The following VMP1 variants were observed in gnomAD, a reference collection of about 807,000 sequenced individuals.
VMP1 encodes the protein vacuole membrane protein 1.
VMP1 carries 11 observed loss-of-function variants against 56.0 expected under a neutral mutation model. The observed-to-expected ratio is 0.20, with a 90% confidence interval of 0.12 to 0.32. The LOEUF is 0.32. Ranked by LOEUF, VMP1 falls within the 10% of genes least tolerant of loss-of-function variation. VMP1 has a pLI of 1.00. For synonymous variants in VMP1, 149 were observed against 165.0 expected, an observed-to-expected ratio of 0.90 and a Z score of 0.74; for missense variants, 296 against 490.3, an observed-to-expected ratio of 0.60 and a Z score of 3.74.
At chr17:59,800,066 T>A (rs1448427171) in intron 7 of VMP1, among the ~76,000 whole-genome samples, 1 of 152,200 alleles carries the variant, frequency 6.6e-6, no homozygotes, top group Non-Finnish European at 1.5e-5. Context: ...TTTGTTCACT[T>A]TGAATTCAAT....
At chr17:59,719,764 A>G (rs1298714998) in intron 1 of VMP1, among the ~76,000 whole-genome samples, 1 of 152,182 alleles carries the variant, frequency 6.6e-6, no homozygotes, top group Non-Finnish European at 1.5e-5. Flanking sequence ...TAGTCTTAGC[A>G]CTGGATATAC....
At chr17:59,709,604 C>T (rs551326802) in intron 1 of VMP1, among the ~76,000 whole-genome samples, 2 of 152,276 alleles carry the variant, frequency 1.3e-5, no homozygotes, top group Non-Finnish European at 2.9e-5. Flanking sequence ...AATACTGTTA[C>T]TTTGCATCAT....
chr17:59,834,211 C>G (rs1222044828), intron 10 of VMP1, among the ~76,000 whole-genome samples: 2 of 152,116 alleles, frequency 1.3e-5, no homozygotes, highest in Non-Finnish European at 2.9e-5. Context: ...CCTGCCTTAG[C>G]CTCCCAAAAT....
In VMP1 at chr17:59,731,426, C is replaced by T; in HGVS notation, c.-21C>T. On this transcript the variant is annotated 5_prime_UTR_variant, in exon 2 of 12. Transcript: ENST00000262291. ...ATTTTATTTTGCTGTATTAGCTCCT[C>T]AAGAGTTACTGATCTATGAAATGGC... 1 of 1,590,426 alleles carries T rather than the reference C, an allele frequency of 6.3e-7. No homozygotes were observed.
chr17:59,825,482 T>C (rs1200867162), intron 10 of VMP1, among the ~76,000 whole-genome samples: 2 of 152,178 alleles, frequency 1.3e-5, no homozygotes, highest in Non-Finnish European at 2.9e-5. Context: ...AATCTAACTT[T>C]TAAAGTTATG....
At chr17:59,817,564 A>T in intron 9 of VMP1, 148 bp from the exon 10 acceptor site, 1 of 493,264 alleles carries the variant, frequency 2.0e-6, no homozygotes, top group South Asian at 2.1e-5. Context: ...GTTGGACAGG[A>T]TGGAAATGTT....
chr17:59,830,406 A>T (rs1555628149), intron 10 of VMP1, among the ~76,000 whole-genome samples: 5 of 152,242 alleles, frequency 3.3e-5, no homozygotes, highest in South Asian at 2.1e-4. Flanking sequence ...CTCCTGAAAA[A>T]TTTTTTTTTT....
intron 8 of VMP1, among the ~76,000 whole-genome samples, chr17:59,810,910 A>T (rs1349483170): frequency 6.6e-6 from 1 of 152,182 alleles, no homozygotes; most frequent in Non-Finnish European, 1.5e-5. Flanking sequence ...GCTTCTTTGC[A>T]TTTTTACATG....
intron 1 of VMP1, among the ~76,000 whole-genome samples, chr17:59,720,794 T>A (rs1047461235): frequency 1.3e-5 from 2 of 151,262 alleles, no homozygotes; most frequent in Admixed American, 6.6e-5. Flanking sequence ...ACCAACGTGG[T>A]GAAACTCCGT....
At chr17:59,724,683 TAGGC>T (rs900404166) in intron 1 of VMP1, among the ~76,000 whole-genome samples, 6 of 151,446 alleles carry the variant, frequency 4.0e-5, no homozygotes, top group African/African-American at 1.5e-4. Context: ...AAAATAATAA[TAGGC>T]AGGGCACGGT....
At chr17:59,762,253 G>A (rs185022517) in intron 5 of VMP1, among the ~76,000 whole-genome samples, 2 of 152,226 alleles carry the variant, frequency 1.3e-5, no homozygotes, top group East Asian at 1.9e-4. Context: ...CTGCTGCTCA[G>A]TAAATATATA....
At chr17:59,736,394 C>A (rs1334330424) in intron 3 of VMP1, among the ~76,000 whole-genome samples, 2 of 98,648 alleles carry the variant, frequency 2.0e-5, no homozygotes, top group Non-Finnish European at 3.9e-5. Context: ...CAGAACGATA[C>A]TCTGTCTCAA....
chr17:59,768,411 G>A (rs890329397), intron 6 of VMP1, among the ~76,000 whole-genome samples: 9 of 150,812 alleles, frequency 6.0e-5, no homozygotes, highest in African/African-American at 1.5e-4. Context: ...GAGACCAGCC[G>A]GACCAACATG....
chr17:59,734,953 C>T (rs1411329817), intron 2 of VMP1, among the ~76,000 whole-genome samples: 2 of 102,212 alleles, frequency 2.0e-5, no homozygotes, highest in Non-Finnish European at 3.7e-5. Context: ...ATTCTGTTAT[C>T]CAGGCTGGTC....
chr17:59,751,709 A>G (rs1322342545), intron 5 of VMP1, among the ~76,000 whole-genome samples: 1 of 133,870 alleles, frequency 7.5e-6, no homozygotes, highest in Non-Finnish European at 1.5e-5. Context: ...GCGCCATTGC[A>G]CTCCAGCCTG....
intron 5 of VMP1, among the ~76,000 whole-genome samples, chr17:59,748,892 TTA>T (rs771382460): frequency 2.4e-4 from 19 of 79,162 alleles, no homozygotes; most frequent in African/African-American, 4.7e-4. Context: ...TTATTATTAT[TTA>T]TTTTTTTTTT....
At chr17:59,719,312 C>T (rs1328601494) in intron 1 of VMP1, among the ~76,000 whole-genome samples, 2 of 81,688 alleles carry the variant, frequency 2.4e-5, no homozygotes, top group Non-Finnish European at 5.0e-5. Context: ...GAGGAAGACC[C>T]TGTCACAAAC....
intron 10 of VMP1, among the ~76,000 whole-genome samples, chr17:59,819,115 C>A (rs1282401855): frequency 3.3e-5 from 5 of 152,020 alleles, no homozygotes; most frequent in Admixed American, 3.3e-4. Context: ...CTCAGTGGAG[C>A]CAGTCATTAG....
chr17:59,744,751 T>C (rs1034593922), intron 5 of VMP1, among the ~76,000 whole-genome samples: 1 of 151,354 alleles, frequency 6.6e-6, no homozygotes, highest in African/African-American at 2.4e-5. Flanking sequence ...ATAAAAGAAA[T>C]ATAAAGAGAG....
Sources: allele counts gnomAD v4.1 joint callset (sites outside exome capture counted in the v4.1 genomes callset), GRCh38; gene constraint gnomAD v4.1.1; transcripts MANE v1.5; gene names NCBI Gene and HGNC (gene_info 2026-07-23, HGNC 2026-07-21).